KCTD16: variants seen among roughly 807,000 people sequenced by gnomAD.
KCTD16 encodes the protein potassium channel tetramerization domain containing 16.
KCTD16 carries 13 observed loss-of-function variants against 33.2 expected under a neutral mutation model. The ratio of observed to expected loss-of-function variants is 0.39; its 90% confidence interval spans 0.25 to 0.62. KCTD16 has a LOEUF of 0.62. Ranked by LOEUF, KCTD16 falls within the 20% of genes least tolerant of loss-of-function variation. KCTD16 has a pLI of 0.50. For synonymous variants in KCTD16, 197 were observed against 195.3 expected (o/e 1.01, Z -0.07); for missense variants, 441 against 525.1 (o/e 0.84, Z 1.57).
intron 1 of KCTD16, among the ~76,000 whole-genome samples, chr5:144,173,192 C>T (rs977756705): frequency 2.6e-5 from 4 of 152,198 alleles, no homozygotes; most frequent in Admixed American, 2.6e-4. Flanking sequence ...ATGTTCATTG[C>T]AGCACTATTC....
chr5:144,193,644 T>A (rs1011946303), intron 2 of KCTD16, among the ~76,000 whole-genome samples: 1 of 152,178 alleles, frequency 6.6e-6, no homozygotes, highest in African/African-American at 2.4e-5. Context: ...GGAAGTTCCA[T>A]GATGGCAAAG....
intron 3 of KCTD16, among the ~76,000 whole-genome samples, chr5:144,237,122 G>A (rs1463851308): frequency 6.6e-6 from 1 of 151,968 alleles, no homozygotes; most frequent in African/African-American, 2.4e-5. Context: ...TGGGCATTCT[G>A]GGTCCCTACC....
At chr5:144,177,679 C>T (rs904209583) in intron 2 of KCTD16, among the ~76,000 whole-genome samples, 4 of 152,102 alleles carry the variant, frequency 2.6e-5, no homozygotes, top group South Asian at 2.1e-4. Flanking sequence ...TTTAAGAGCA[C>T]GAGTCATGTT....
chr5:144,199,763 C>G (rs1251125457), intron 2 of KCTD16, among the ~76,000 whole-genome samples: 2 of 122,632 alleles, frequency 1.6e-5, no homozygotes, highest in African/African-American at 6.4e-5. Flanking sequence ...TGTCATCAGG[C>G]TGGAGTGCAG....
intron 3 of KCTD16, among the ~76,000 whole-genome samples, chr5:144,473,413 C>T (rs563753337): frequency 2.6e-5 from 4 of 152,278 alleles, no homozygotes; most frequent in African/African-American, 9.6e-5. Context: ...GACTCCCGTG[C>T]TCATGGGCTT....
At chr5:144,294,377 G>T (rs1336002034) in intron 3 of KCTD16, among the ~76,000 whole-genome samples, 1 of 152,108 alleles carries the variant, frequency 6.6e-6, no homozygotes, top group East Asian at 1.9e-4. Flanking sequence ...AGTACAGTTT[G>T]CTTTTTAACT....
chr5:144,441,117 T>TG (rs1753697592), intron 3 of KCTD16, among the ~76,000 whole-genome samples: 1 of 152,196 alleles, frequency 6.6e-6, no homozygotes, highest in African/African-American at 2.4e-5. Flanking sequence ...GGGTTATCTA[T>TG]GTTTTTTTAT....
intron 3 of KCTD16, among the ~76,000 whole-genome samples, chr5:144,334,484 C>A (rs244534): frequency 0.25 from 38,301 of 152,022 alleles, 4,970 homozygotes; most frequent in Non-Finnish European, 0.28. Context: ...ACCAGTGAAC[C>A]ATTTTTATAG....
intron 3 of KCTD16, among the ~76,000 whole-genome samples, chr5:144,304,890 A>G (rs1751555380): frequency 6.6e-6 from 1 of 152,066 alleles, no homozygotes; most frequent in South Asian, 2.1e-4. Flanking sequence ...CTTAACCATA[A>G]CAGGTAGATA....
intron 3 of KCTD16, among the ~76,000 whole-genome samples, chr5:144,334,010 C>CT (rs1370662965): frequency 6.6e-6 from 1 of 152,276 alleles, no homozygotes; most frequent in African/African-American, 2.4e-5. Flanking sequence ...AAGCTGTATA[C>CT]TTTTTATCAC....
chr5:144,350,161 A>T (rs1012300225), intron 3 of KCTD16, among the ~76,000 whole-genome samples: 1 of 152,174 alleles, frequency 6.6e-6, no homozygotes, highest in African/African-American at 2.4e-5. Flanking sequence ...TAGTTTTTAA[A>T]TACTAGCATT....
intron 2 of KCTD16, among the ~76,000 whole-genome samples, chr5:144,204,265 A>G (rs1753109739): frequency 6.6e-6 from 1 of 152,226 alleles, no homozygotes; most frequent in South Asian, 2.1e-4. Flanking sequence ...AAAAATAGCA[A>G]TTGTTTGGGA....
intron 3 of KCTD16, among the ~76,000 whole-genome samples, chr5:144,268,598 A>G (rs140499097): frequency 2.6e-4 from 39 of 152,318 alleles, no homozygotes; most frequent in African/African-American, 9.4e-4. Context: ...CCAAACAATA[A>G]TTTTAAAAAG....
chr5:144,401,072 G>T (rs1351962789), intron 3 of KCTD16, among the ~76,000 whole-genome samples: 1 of 152,170 alleles, frequency 6.6e-6, no homozygotes, highest in Admixed American at 6.5e-5. Flanking sequence ...GATCAAGTGT[G>T]AATCTCTTCT....
rs143353780 is a variant in KCTD16 at position 144,264,292 on chromosome 5, C to T, written c.832+56746C>T. On this transcript the variant is annotated intron_variant, in intron 3 of 3. Transcript: ENST00000512467. Reference sequence around the variant, plus strand: ...ACAGAATAAACATGAGAATTTAAATCACACAGTATTATAATTCAGGGACAA... The same window carrying T: ...ACAGAATAAACATGAGAATTTAAATTACACAGTATTATAATTCAGGGACAA... Among the ~76,000 whole-genome samples, 69 of 152,258 alleles carry T rather than the reference C, an allele frequency of 4.5e-4. 2 individuals carry two copies. In the East Asian group the frequency reaches 0.013, roughly 28 times the overall value.
At chr5:144,470,345 A>C (rs745720703) in intron 3 of KCTD16, among the ~76,000 whole-genome samples, 8 of 152,162 alleles carry the variant, frequency 5.3e-5, no homozygotes, top group Admixed American at 6.5e-5. Flanking sequence ...GGAAGAGGGT[A>C]GTCAGGCAGA....
chr5:144,473,715 A>G lies in KCTD16; in HGVS notation c.888A>G (p.Lys296=). Residue 296 remains lysine, a synonymous_variant, in exon 4 of 4, where the codon AAA becomes AAG. Transcript: ENST00000512467. ...GCGATTGCTGCTGCAAGAATGGCAA[A>G]GGTGACAAAGAAGGGGAGAGCGGCA... ...SHCDCCCKNG[K]GDKEGESGTS... is the part of the protein sequence containing the mutation. 6.2e-7 allele frequency: 1 copy of G among 1,611,314 alleles called. No homozygotes were observed. The highest frequency in any genetic ancestry group is 8.5e-7 in the Non-Finnish European group (1 of 1,177,688).
intron 3 of KCTD16, among the ~76,000 whole-genome samples, chr5:144,411,985 A>G (rs1314495828): frequency 6.6e-6 from 1 of 152,200 alleles, no homozygotes; most frequent in Non-Finnish European, 1.5e-5. Flanking sequence ...TATCATCTCA[A>G]CCCAGTTCAA....
intron 3 of KCTD16, among the ~76,000 whole-genome samples, chr5:144,337,734 C>T (rs1017829659): frequency 2.0e-5 from 3 of 152,164 alleles, no homozygotes; most frequent in Non-Finnish European, 4.4e-5. Flanking sequence ...TACTTCTCAT[C>T]ATCATTCAGC....
Sources: gnomAD v4.1 joint callset for allele counts (sites outside exome capture counted in the v4.1 genomes callset) on GRCh38, gnomAD v4.1.1 for gene constraint, MANE v1.5 for transcripts, NCBI Gene and HGNC (gene_info 2026-07-23, HGNC 2026-07-21) for gene names.